Variants in ZC3H7A observed in about 807,000 individuals in gnomAD.
The protein encoded by ZC3H7A is zinc finger CCCH-type containing 7A.
In ZC3H7A, 44 loss-of-function variants were observed where a neutral mutation model predicts 125.5. That is an observed-to-expected ratio of 0.35 (90% CI 0.28 to 0.45). The LOEUF (loss-of-function observed/expected upper bound fraction) is 0.45, where lower values mean the gene tolerates loss of function less well. ZC3H7A is among the 20% of genes least tolerant of loss of function. ZC3H7A has a pLI of 1.00. For missense variants in ZC3H7A, 977 were observed against 1,170.7 expected, an observed-to-expected ratio of 0.83 and a Z score of 2.41; for synonymous variants, 399 against 391.2, an observed-to-expected ratio of 1.02 and a Z score of -0.23.
At chr16:11,790,442 G>A (rs1422403371) in intron 1 of ZC3H7A, among the ~76,000 whole-genome samples, 4 of 152,142 alleles carry the variant, frequency 2.6e-5, no homozygotes, top group African/African-American at 9.7e-5. Flanking sequence ...ATATGTTGAG[G>A]AAAATAGTCC....
rs1042275564 is a variant in ZC3H7A at position 11,768,214 on chromosome 16, A to G, written c.1360+101T>C. On this transcript the variant is annotated intron_variant, in intron 12 of 22. Coordinates refer to ENST00000355758, the MANE Select transcript of ZC3H7A (RefSeq NM_014153.4). ...AATTCAAAATAGGGATTGAAGAACC[A>G]TAATAACTGATGTTGTTAACATGTA... The G allele has an allele frequency of 2.6e-5, 31 of 1,181,440 alleles. 1 individual carries two copies. In the Middle Eastern group the frequency reaches 6.4e-4, roughly 24 times the overall value. The allele number at this position is 1,181,440 out of a possible 1,614,324, so 73.2% of individuals were successfully genotyped here. A position where few individuals can be genotyped will look rare whatever the true frequency, so the allele number is the denominator to read the frequency against.
chr16:11,763,368 C>A, intron 16 of ZC3H7A, 110 bp downstream of exon 16: 1 of 1,155,678 alleles, frequency 8.7e-7, no homozygotes, highest in South Asian at 1.8e-5. Flanking sequence ...CTCAGCCTCC[C>A]AAAGTAGTGG....
At chr16:11,757,037 G>C (rs1296246780) in intron 20 of ZC3H7A, among the ~76,000 whole-genome samples, 3 of 152,292 alleles carry the variant, frequency 2.0e-5, no homozygotes, top group Non-Finnish European at 2.9e-5. Flanking sequence ...ATTCTGGCTA[G>C]AGAATTCTTT....
chr16:11,762,531 TC>T, intron 17 of ZC3H7A, 139 bp downstream of exon 17: 1 of 783,298 alleles, frequency 1.3e-6, no homozygotes, highest in African/African-American at 1.8e-5. Flanking sequence ...AATTGTTTTT[TC>T]ACATAAGAAT....
rs2052834812 is a variant in ZC3H7A at position 11,765,237 on chromosome 16, T to C, written c.1720-84A>G. 1.6e-5 allele frequency: 14 copies of C among 882,578 alleles called. No individual in the cohort carries two copies. Among genetic ancestry groups the C allele is most frequent in the South Asian group, 1.0e-4 (5 of 48,220 alleles). 54.7% of individuals were successfully genotyped at this position (882,578 alleles called of 1,614,324 possible). On this transcript the variant is annotated intron_variant, in intron 14 of 22. Transcript: ENST00000355758. This position sits in a 1 kb window ranked among gnomAD's most constrained non-coding sequence, Gnocchi z 4.8. ...AATATTGTCCTAGTTTCAATATCATTACAAAATTAATATTCAATATGAAGT... is the reference window on the plus strand; with the variant it reads ...AATATTGTCCTAGTTTCAATATCATCACAAAATTAATATTCAATATGAAGT...
chr16:11,770,931 G>C lies in ZC3H7A; in HGVS notation c.960C>G (p.Pro320=), dbSNP rs752995740. 21 of 1,613,760 alleles carry C rather than the reference G, an allele frequency of 1.3e-5. No homozygotes were observed. The highest frequency in any genetic ancestry group is 1.7e-5 in the Non-Finnish European group (20 of 1,179,892). ...LQTASVSPSM[P]FSASLLGTLP... is the part of the protein sequence containing the mutation. ...AGGTTCCTAACAGCGATGCCGAAAA[G>C]GGCATGCTAGGAGAGACACTGGCTG... The change falls in exon 10 of 23, where the codon CCC becomes CCG. Residue 320 remains proline, a synonymous_variant. Coordinates refer to ENST00000355758, the MANE Select transcript of ZC3H7A (RefSeq NM_014153.4).
At chr16:11,772,194 CAA>C (rs370155246) in intron 9 of ZC3H7A, among the ~76,000 whole-genome samples, 8 of 122,562 alleles carry the variant, frequency 6.5e-5, no homozygotes, top group Non-Finnish European at 9.1e-5. Context: ...GACTCTGTCT[CAA>C]AAAAAAAAAA....
At position 11,770,987 on chromosome 16, in the gene ZC3H7A, G is replaced by T. The variant is rs1184235028; in HGVS notation, c.904C>A (p.Pro302Thr). The part of the protein sequence containing the change: ...SAPETNETVM[P>T]SALVRGPLQT... ...AGGGGTCCTCTGACTAAAGCTGACGGCTGCGGAAGAAAAAAAGATGTGATT... is the reference window on the plus strand; with the variant it reads ...AGGGGTCCTCTGACTAAAGCTGACGTCTGCGGAAGAAAAAAAGATGTGATT... The change falls in exon 10 of 23, where the codon CCG becomes ACG. Residue 302 changes from proline to threonine, a missense_variant and splice_region_variant. Around this residue, in one of 3 missense-constraint regions of ZC3H7A, gnomAD observed 342 missense variants for 311.3 expected, o/e 1.10. Coordinates refer to ENST00000355758, the MANE Select transcript of ZC3H7A (RefSeq NM_014153.4). The T allele has an allele frequency of 3.1e-6, 5 of 1,589,796 alleles. No homozygotes were observed. Among genetic ancestry groups the T allele is most frequent in the Non-Finnish European group, 3.4e-6 (4 of 1,170,974 alleles).
At position 11,788,942 on chromosome 16, in the gene ZC3H7A, A is replaced by G. The variant is rs1348467797; in HGVS notation, c.-34-6554T>C. 3.3e-5 allele frequency among the ~76,000 whole-genome samples: 5 copies of G among 152,180 alleles called. No individual in the cohort carries two copies. The East Asian group carries it at 9.7e-4, about 29-fold the overall frequency. On this transcript the variant is annotated intron_variant, in intron 1 of 22. Coordinates refer to ENST00000355758, the MANE Select transcript of ZC3H7A (RefSeq NM_014153.4). Reference sequence around the variant, plus strand: ...AAGATATTCTATAGAACGATTCTGTATCTTGATTGTGGGAGTGGTTACATG... The same window carrying G: ...AAGATATTCTATAGAACGATTCTGTGTCTTGATTGTGGGAGTGGTTACATG...
intron 16 of ZC3H7A, 151 bp from the exon 17 acceptor site, chr16:11,762,898 T>C: frequency 1.5e-6 from 1 of 649,640 alleles, no homozygotes; most frequent in Non-Finnish European, 2.6e-6. Flanking sequence ...GTTTCTCTTT[T>C]TTGAAATGGA....
intron 3 of ZC3H7A, among the ~76,000 whole-genome samples, chr16:11,781,012 TC>T (rs2053165239): frequency 1.3e-5 from 2 of 151,664 alleles, no homozygotes. Context: ...TTCAAGTGGC[TC>T]AAAAGATAAA....
intron 1 of ZC3H7A, among the ~76,000 whole-genome samples, chr16:11,792,694 C>T (rs79687641): frequency 7.2e-5 from 11 of 152,276 alleles, no homozygotes; most frequent in African/African-American, 1.4e-4. Context: ...AGATAAGTGA[C>T]GCAGCTGGCC....
At chr16:11,784,854 C>T (rs1435096967) in intron 1 of ZC3H7A, among the ~76,000 whole-genome samples, 1 of 59,988 alleles carries the variant, frequency 1.7e-5, no homozygotes, top group South Asian at 5.1e-4. Flanking sequence ...CACTCCATCT[C>T]AAAAAAAAAA....
intron 19 of ZC3H7A, chr16:11,759,172 G>C (rs1489192279): frequency 1.3e-5 from 2 of 152,134 alleles, no homozygotes; most frequent in Admixed American, 6.5e-5. Context: ...TAAAGTGATC[G>C]TGATCAGCAG....
intron 9 of ZC3H7A, among the ~76,000 whole-genome samples, chr16:11,771,346 C>A (rs1198390942): frequency 6.6e-6 from 1 of 151,000 alleles, no homozygotes; most frequent in Non-Finnish European, 1.5e-5. Context: ...CAAGATCACG[C>A]AATTGCACTA....
intron 5 of ZC3H7A, 61 bp from the exon 6 acceptor site, chr16:11,776,593 G>T: frequency 6.6e-7 from 1 of 1,522,178 alleles, no homozygotes; most frequent in Non-Finnish European, 8.9e-7. Context: ...AAGAAGAATA[G>T]ACAAAACAGG....
intron 9 of ZC3H7A, among the ~76,000 whole-genome samples, chr16:11,772,146 G>A (rs983047781): frequency 2.5e-4 from 38 of 151,384 alleles, no homozygotes; most frequent in African/African-American, 8.3e-4. Flanking sequence ...AGTGAGCCAA[G>A]ATCGCACCAC....
Position 11,761,442 on chromosome 16 carries a change from A to C in ZC3H7A, c.2283T>G (p.Pro761=). The change falls in exon 19 of 23, where the codon CCT becomes CCG. Residue 761 remains proline (P), a synonymous_variant. Transcript: ENST00000355758. The stretch of plus-strand genomic sequence containing the variant: ...AAGGCATTTGTTTCTTTGTGGGGAG[A>C]GGACGGATGTTCATCCACTTCTTAC... ...IERKKWMNIR[P]LPTKKQMPLQ... 1 of 1,614,098 alleles carries C rather than the reference A, an allele frequency of 6.2e-7. No homozygotes were observed. The highest frequency in any genetic ancestry group is 1.3e-5 in the African/African-American group (1 of 75,050).
At chr16:11,751,726 G>A (rs1036840693) in intron 22 of ZC3H7A, among the ~76,000 whole-genome samples, 27 of 151,904 alleles carry the variant, frequency 1.8e-4, no homozygotes, top group African/African-American at 6.5e-4. Context: ...TGACTGATAG[G>A]AGAAAAAAGA....
Sources: allele counts gnomAD v4.1 joint callset (sites outside exome capture counted in the v4.1 genomes callset), GRCh38; gene constraint gnomAD v4.1.1; regional missense constraint gnomAD v4.1.1; non-coding constraint Gnocchi (gnomAD v3.1); transcripts MANE v1.5; gene names NCBI Gene and HGNC (gene_info 2026-07-23, HGNC 2026-07-21).